The following SMAD4 variants were observed in gnomAD, a reference collection of about 807,000 sequenced individuals.
The protein encoded by SMAD4 is SMAD family member 4.
SMAD4 carries 7 observed loss-of-function variants against 63.2 expected under a neutral mutation model. That is an observed-to-expected ratio of 0.11 (90% confidence interval 0.06 to 0.21). The LOEUF is 0.21. Among genes scored for constraint, SMAD4 ranks in the 10% least tolerant of loss-of-function variants. The pLI is 1.00. For missense variants in SMAD4, 312 were observed against 693.8 expected (o/e 0.45, Z 6.18); for synonymous variants, 215 against 235.4 (o/e 0.91, Z 0.79).
rs202070730 is a variant in SMAD4, at chr18:51,082,218, AT to A, written c.*3760del. 100 of 227,138 alleles carry A rather than the reference AT, an allele frequency of 4.4e-4. No individual in the cohort carries two copies. The highest frequency in any genetic ancestry group is 6.0e-4 in the Non-Finnish European group (69 of 114,580). 14.1% of individuals were successfully genotyped at this position (227,138 alleles called of 1,614,324 possible). On this transcript the variant is annotated 3_prime_UTR_variant, in exon 12 of 12. Coordinates refer to ENST00000342988, the MANE Select transcript of SMAD4 (RefSeq NM_005359.6). ...GGGTACACTCAGCTTAAAGTAATGC[AT>A]TTTTTTTTCCCGTAAAGGCAGAATC...
intron 8 of SMAD4, among the ~76,000 whole-genome samples, chr18:51,063,439 G>A (rs567922960): frequency 6.6e-6 from 1 of 151,980 alleles, no homozygotes; most frequent in East Asian, 1.9e-4. Flanking sequence ...TTGAGACGGG[G>A]TCTCACTCTG....
chr18:51,046,433 T>TG (rs1481620388), intron 1 of SMAD4, among the ~76,000 whole-genome samples: 9 of 133,974 alleles, frequency 6.7e-5, no homozygotes, highest in African/African-American at 1.9e-4. Context: ...ATTTCTAAAT[T>TG]GGGGTTTTTT....
chr18:51,040,020 A>G (rs1909326110), intron 1 of SMAD4, among the ~76,000 whole-genome samples: 1 of 152,202 alleles, frequency 6.6e-6, no homozygotes, highest in African/African-American at 2.4e-5. Context: ...AGACAGTTGC[A>G]CTAACCGTGA....
At chr18:51,067,602 G>A (rs1447777169) in intron 10 of SMAD4, among the ~76,000 whole-genome samples, 4 of 151,818 alleles carry the variant, frequency 2.6e-5, no homozygotes, top group African/African-American at 9.7e-5. Context: ...TAGTAGAGAC[G>A]GGGTTTCACC....
At chr18:51,038,957 A>C (rs943522042) in intron 1 of SMAD4, among the ~76,000 whole-genome samples, 1 of 152,206 alleles carries the variant, frequency 6.6e-6, no homozygotes, top group African/African-American at 2.4e-5. Flanking sequence ...ACATACAAAA[A>C]TTAGCTGGGC....
chr18:51,049,259 T>G (rs761239224), intron 3 of SMAD4, 36 bp from the exon 4 acceptor site: 2 of 1,419,690 alleles, frequency 1.4e-6, no homozygotes, highest in East Asian at 2.3e-5. Flanking sequence ...TTGTAATGAT[T>G]AATGTTTCAT....
intron 1 of SMAD4, among the ~76,000 whole-genome samples, chr18:51,039,646 C>T (rs1311020199): frequency 6.6e-6 from 1 of 152,054 alleles, no homozygotes; most frequent in East Asian, 1.9e-4. Context: ...GGGAGATTCT[C>T]CTTGGAAAAT....
At chr18:51,061,395 C>T (rs1484316720) in intron 8 of SMAD4, among the ~76,000 whole-genome samples, 1 of 152,222 alleles carries the variant, frequency 6.6e-6, no homozygotes. Context: ...CTTCTACTCT[C>T]TGTCTCTATG....
intron 11 of SMAD4, 98 bp downstream of exon 11, chr18:51,076,874 A>T: frequency 2.0e-6 from 2 of 981,908 alleles, no homozygotes; most frequent in Non-Finnish European, 2.9e-6. Flanking sequence ...AATAGAAATT[A>T]AAGTTTTTTT....
Position 51,084,012 on chromosome 18 carries a change from G to GCGCACACACA in SMAD4, c.*5546_*5547insGCACACACAC, listed in dbSNP as rs1555688055. 39 of 162,876 alleles carry GCGCACACACA rather than the reference G, an allele frequency of 2.4e-4. No homozygotes were observed. The Middle Eastern group carries it at 6.1e-3, about 26-fold the overall frequency. 10.1% of individuals were successfully genotyped at this position (162,876 alleles called of 1,614,324 possible). On this transcript the variant is annotated 3_prime_UTR_variant, in exon 12 of 12. Coordinates refer to ENST00000342988, the MANE Select transcript of SMAD4 (RefSeq NM_005359.6). ...TTAACGCGCGTGCGCACGCGCGCGCGCACACACACACACACACACACACAC... is the reference window on the plus strand; with the variant it reads ...TTAACGCGCGTGCGCACGCGCGCGCGCGCACACACACACACACACACACACACACACACAC...
Position 51,047,053 on chromosome 18 carries a change from A to G in SMAD4, c.7A>G (p.Asn3Asp), listed in dbSNP as rs774342820. 3 of 1,613,804 alleles carry G rather than the reference A, an allele frequency of 1.9e-6. No homozygotes were observed. The highest frequency in any genetic ancestry group is 2.2e-5 in the South Asian group (2 of 91,070). Residue 3 changes from asparagine to aspartate, a missense_variant, in exon 2 of 12, where the codon AAT becomes GAT. By Grantham distance (23) the Asn-to-Asp change is conservative. Coordinates refer to ENST00000342988, the MANE Select transcript of SMAD4 (RefSeq NM_005359.6). ...AAAGGAAAAACTTGAACAAATGGAC[A>G]ATATGTCTATTACGAATACACCAAC... MDNMSITNTPTSN... is the reference protein window; with the variant it reads MDDMSITNTPTSN...
At chr18:51,074,207 T>C (rs1910411506) in intron 10 of SMAD4, among the ~76,000 whole-genome samples, 1 of 145,842 alleles carries the variant, frequency 6.9e-6, no homozygotes, top group African/African-American at 2.6e-5. Context: ...AGACCTCATC[T>C]CTACCAAAAA....
chr18:51,055,574 T>A (rs1481297101), intron 5 of SMAD4, among the ~76,000 whole-genome samples: 1 of 152,042 alleles, frequency 6.6e-6, no homozygotes, highest in Non-Finnish European at 1.5e-5. Context: ...TTCTGCCATG[T>A]CATAGGAGGG....
chr18:51,071,232 C>T (rs1269744414), intron 10 of SMAD4, among the ~76,000 whole-genome samples: 2 of 151,960 alleles, frequency 1.3e-5, no homozygotes, highest in Non-Finnish European at 2.9e-5. Flanking sequence ...AAGGAGTGCC[C>T]ACACTTTGAG....
chr18:51,073,695 T>C (rs1438801318), intron 10 of SMAD4, among the ~76,000 whole-genome samples: 7 of 151,854 alleles, frequency 4.6e-5, no homozygotes, highest in Non-Finnish European at 5.9e-5. Flanking sequence ...CATGCCTGGC[T>C]AATTTTTGCA....
intron 4 of SMAD4, among the ~76,000 whole-genome samples, chr18:51,051,852 G>A (rs865798569): frequency 7.9e-5 from 12 of 151,814 alleles, no homozygotes; most frequent in African/African-American, 2.7e-4. Context: ...TGTTGCCCAG[G>A]CTGGAGTACA....
chr18:51,044,076 T>C (rs545743748), intron 1 of SMAD4, among the ~76,000 whole-genome samples: 1 of 152,348 alleles, frequency 6.6e-6, no homozygotes, highest in South Asian at 2.1e-4. Context: ...AATTTACACA[T>C]GTAATTTACA....
chr18:51,061,412 A>T (rs529431258), intron 8 of SMAD4, among the ~76,000 whole-genome samples: 335 of 152,168 alleles, frequency 2.2e-3, no homozygotes, highest in African/African-American at 7.2e-3. Flanking sequence ...TATGGGTTCA[A>T]TTGTTTTGAT....
At chr18:51,036,527 A>G (rs1909210201) in intron 1 of SMAD4, among the ~76,000 whole-genome samples, 1 of 152,232 alleles carries the variant, frequency 6.6e-6, no homozygotes, top group South Asian at 2.1e-4. Flanking sequence ...TACATCATAA[A>G]TATGCCTACT....
Sources: gnomAD v4.1 joint callset for allele counts (sites outside exome capture counted in the v4.1 genomes callset) on GRCh38, gnomAD v4.1.1 for gene constraint, MANE v1.5 for transcripts, NCBI Gene and HGNC (gene_info 2026-07-23, HGNC 2026-07-21) for gene names.